NUFIP2: variants seen among roughly 807,000 people sequenced by gnomAD.
NUFIP2 encodes FMR1-interacting protein NUFIP2.
A neutral mutation model predicts 56.9 loss-of-function variants in NUFIP2; 6 were observed. The ratio of observed to expected loss-of-function variants is 0.11; its 90% CI spans 0.06 to 0.21. The LOEUF (loss-of-function observed/expected upper bound fraction) is 0.21. NUFIP2 is among the 10% of genes least tolerant of loss of function. The pLI, the probability that NUFIP2 is intolerant of heterozygous loss-of-function variation, is 1.00. For missense variants in NUFIP2, 828 were observed against 826.8 expected (o/e 1.00, Z -0.02); for synonymous variants, 321 against 298.2 (o/e 1.08, Z -0.79).
intron 2 of NUFIP2, among the ~76,000 whole-genome samples, chr17:29,273,450 GCGTGAGCCAT>G (rs1488877662): frequency 6.6e-6 from 1 of 152,070 alleles, no homozygotes; most frequent in Non-Finnish European, 1.5e-5. Context: ...GGGACTACAG[GCGTGAGCCAT>G]CACGCCCAGC....
At chr17:29,265,663 CAT>C (rs1389313267) in intron 3 of NUFIP2, among the ~76,000 whole-genome samples, 12 of 140,400 alleles carry the variant, frequency 8.5e-5, no homozygotes, top group South Asian at 2.2e-4. Context: ...TATACACACA[CAT>C]ATATAATTTC....
At position 29,287,376 on chromosome 17, in the gene NUFIP2, T is replaced by C; in HGVS notation, c.618A>G (p.Gly206=). 6.2e-7 allele frequency: 1 copy of C among 1,614,166 alleles called. No individual in the cohort carries two copies. Among genetic ancestry groups the C allele is most frequent in the Admixed American group, 1.7e-5 (1 of 60,020 alleles). Residue 206 remains glycine, a synonymous_variant, in exon 2 of 4, where the codon GGA becomes GGG. Coordinates refer to ENST00000225388, the MANE Select transcript of NUFIP2 (RefSeq NM_020772.3). Reference sequence around the variant, plus strand: ...CAGATCCACTACCATCATTATCTGCTCCTTTACCCATATAACCATTAGTAA... The same window carrying C: ...CAGATCCACTACCATCATTATCTGCCCCTTTACCCATATAACCATTAGTAA... ...GYITNGYMGK[G]ADNDGSGSES...
intron 1 of NUFIP2, among the ~76,000 whole-genome samples, chr17:29,293,411 T>G (rs538785657): frequency 2.0e-4 from 30 of 152,070 alleles, no homozygotes; most frequent in African/African-American, 7.2e-4. Flanking sequence ...AGGGATTTTT[T>G]GGGGGGGTAG....
intron 2 of NUFIP2, among the ~76,000 whole-genome samples, chr17:29,276,816 G>A (rs2069111069): frequency 6.6e-6 from 1 of 152,134 alleles, no homozygotes; most frequent in African/African-American, 2.4e-5. Flanking sequence ...TAATGTAACT[G>A]TAAACAGTAT....
At chr17:29,276,434 G>C (rs1463544284) in intron 2 of NUFIP2, among the ~76,000 whole-genome samples, 1 of 152,002 alleles carries the variant, frequency 6.6e-6, no homozygotes, top group East Asian at 1.9e-4. Context: ...CCAGGTTCAA[G>C]CGATTCTCCT....
intron 1 of NUFIP2, among the ~76,000 whole-genome samples, chr17:29,288,229 T>C (rs986946373): frequency 2.0e-5 from 3 of 152,244 alleles, no homozygotes; most frequent in Non-Finnish European, 4.4e-5. Flanking sequence ...GTATTTTTAG[T>C]AGAGACAGGA....
intron 2 of NUFIP2, among the ~76,000 whole-genome samples, chr17:29,285,628 CAA>C (rs1016848926): frequency 6.6e-6 from 1 of 151,606 alleles, no homozygotes; most frequent in African/African-American, 2.4e-5. Context: ...AAAGCAAAGA[CAA>C]AAAAGCCACG....
Position 29,266,247 on chromosome 17 carries a change from G to A in NUFIP2, c.2035+1251C>T, listed in dbSNP as rs1353675538. Among the ~76,000 whole-genome samples, 2 of 152,088 alleles carry A rather than the reference G, an allele frequency of 1.3e-5. 1 individual carries two copies. The highest frequency in any genetic ancestry group is 2.9e-5 in the Non-Finnish European group (2 of 68,004). The stretch of plus-strand genomic sequence containing the variant: ...CTCCCAAAGTGCTGGGATTCCAGGC[G>A]TGAGCCACCGTGCCCAGCCTGCAGG... On this transcript the variant is annotated intron_variant, in intron 3 of 3. Coordinates refer to ENST00000225388, the MANE Select transcript of NUFIP2 (RefSeq NM_020772.3).
chr17:29,293,767 GTCCTCCCT>G lies in NUFIP2; in HGVS notation c.277+8_277+15del, dbSNP rs2069233565. Reference sequence around the variant, plus strand: ...CACCCCCAACCCCCTTCCCCCACCCGTCCTCCCTCCCAGACCTGTTTTCTTCTTCGGCG... The same window carrying G: ...CACCCCCAACCCCCTTCCCCCACCCGCCCAGACCTGTTTTCTTCTTCGGCG... On this transcript the variant is annotated splice_region_variant and intron_variant, in intron 1 of 3. Transcript: ENST00000225388. The G allele has an allele frequency of 2.8e-6, 1 of 362,176 alleles. No homozygotes were observed. The highest frequency in any genetic ancestry group is 4.2e-5 in the African/African-American group (1 of 23,616). The allele number at this position is 362,176 out of a possible 1,614,324, so 22.4% of individuals were successfully genotyped here.
In NUFIP2 at chr17:29,294,034, T is replaced by G; in HGVS notation, c.26A>C (p.Gln9Pro). The G allele has an allele frequency of 6.2e-7, 1 of 1,606,840 alleles. No individual in the cohort carries two copies. Among genetic ancestry groups the G allele is most frequent in the Non-Finnish European group, 8.5e-7 (1 of 1,175,034 alleles). Residue 9 changes from glutamine to proline, a missense_variant, in exon 1 of 4, where the codon CAG becomes CCG. Physicochemically the swap from Gln to Pro is moderately conservative, Grantham distance 76 (BLOSUM62 -1). Around this residue, in one of 3 missense-constraint regions of NUFIP2, gnomAD observed 415 missense variants for 408.7 expected, o/e 1.02. Coordinates refer to ENST00000225388, the MANE Select transcript of NUFIP2 (RefSeq NM_020772.3). The stretch of plus-strand genomic sequence containing the variant: ...GTGGTGGCTGTGATGGTGCTGAGGC[T>G]GTGGCTGGCCGGGCTTCTCCTCCAT... MEEKPGQPQPQHHHSHHHP... is the reference protein window; with the variant it reads MEEKPGQPPPQHHHSHHHP...
chr17:29,286,660 G>C lies in NUFIP2; in HGVS notation c.1334C>G (p.Pro445Arg). ...LLTTAANTLT[P>R]ISSGTDSVLQ... ...AACTGAATCTGTCCCAGAAGAGATG[G>C]GTGTTAGAGTATTAGCAGCAGTAGT... The change falls in exon 2 of 4, where the codon CCC (proline) becomes CGC (arginine). Residue 445 changes from proline to arginine, a missense_variant. Pro to Arg is a moderately radical substitution (Grantham distance 103). Transcript: ENST00000225388. The C allele has an allele frequency of 1.9e-6, 3 of 1,614,114 alleles. No individual in the cohort carries two copies. In the South Asian group the frequency reaches 3.3e-5, roughly 18 times the overall value.
intron 2 of NUFIP2, among the ~76,000 whole-genome samples, chr17:29,285,519 A>T (rs2069167445): frequency 8.0e-6 from 1 of 124,930 alleles, no homozygotes; most frequent in Admixed American, 7.8e-5. Context: ...TGAACCTGGG[A>T]GGTGGAGGTT....
intron 1 of NUFIP2, 150 bp downstream of exon 1, chr17:29,293,633 G>T (rs1555549703): frequency 2.4e-5 from 20 of 833,204 alleles, no homozygotes; most frequent in Non-Finnish European, 3.6e-5. Flanking sequence ...CTCAGCCCGA[G>T]CTCTAGAATG....
chr17:29,257,129 T>G lies in NUFIP2; in HGVS notation c.*7410A>C, dbSNP rs2068975763. 6.6e-6 allele frequency: 1 copy of G among 152,178 alleles called. No homozygotes were observed. Among genetic ancestry groups the G allele is most frequent in the African/African-American group, 2.4e-5 (1 of 41,454 alleles). The allele number at this position is 152,178 out of a possible 1,614,324, so 9.4% of individuals were successfully genotyped here. A position where few individuals can be genotyped will look rare whatever the true frequency, so the allele number is the denominator to read the frequency against. On this transcript the variant is annotated 3_prime_UTR_variant, in exon 4 of 4. Coordinates refer to ENST00000225388, the MANE Select transcript of NUFIP2 (RefSeq NM_020772.3). ...GTAAAGCTGATAAAACTGCCCTGTTTCAAGAAAAGCTCTTTAATAGATACA... is the reference window on the plus strand; with the variant it reads ...GTAAAGCTGATAAAACTGCCCTGTTGCAAGAAAAGCTCTTTAATAGATACA...
intron 1 of NUFIP2, among the ~76,000 whole-genome samples, chr17:29,289,067 G>C (rs2069195175): frequency 6.6e-6 from 1 of 152,178 alleles, no homozygotes; most frequent in Non-Finnish European, 1.5e-5. Flanking sequence ...TTGAACCCAG[G>C]AGGTCGAGGC....
chr17:29,285,730 C>A (rs536721867), intron 2 of NUFIP2, among the ~76,000 whole-genome samples: 2 of 152,192 alleles, frequency 1.3e-5, no homozygotes, highest in Admixed American at 1.3e-4. Flanking sequence ...GTTCTCCTCA[C>A]TTCTGTTCTT....
Position 29,287,258 on chromosome 17 carries a change from G to C in NUFIP2, c.736C>G (p.Gln246Glu). Residue 246 changes from glutamine (Q) to glutamate (E), a missense_variant, in exon 2 of 4, where the codon CAA becomes GAA. By Grantham distance (29) the Gln-to-Glu change is conservative. Transcript: ENST00000225388. ...AAGGTTGGGACACTGGTCTCTTGTT[G>C]CATTATTTTGTCCTGCACTATATTA... Reference protein sequence around the residue: ...NLNIVQDKIMQQETSVPTLKQ... With the variant: ...NLNIVQDKIMEQETSVPTLKQ... 1 of 1,614,118 alleles carries C rather than the reference G, an allele frequency of 6.2e-7. No homozygotes were observed. Among genetic ancestry groups the C allele is most frequent in the Non-Finnish European group, 8.5e-7 (1 of 1,180,028 alleles).
At position 29,259,001 on chromosome 17, in the gene NUFIP2, T is replaced by A. The variant is rs1283504888; in HGVS notation, c.*5538A>T. The A allele has an allele frequency of 6.6e-6, 1 of 152,218 alleles. No individual in the cohort carries two copies. The highest frequency in any genetic ancestry group is 1.9e-4 in the East Asian group (1 of 5,196). 9.4% of individuals were successfully genotyped at this position (152,218 alleles called of 1,614,324 possible). A position where few individuals can be genotyped will look rare whatever the true frequency, so the allele number is the denominator to read the frequency against. On this transcript the variant is annotated 3_prime_UTR_variant, in exon 4 of 4. Transcript: ENST00000225388. ...TTAATAATAGACAAACAGGGTAAAC[T>A]AAAGGCATTCATTCATATTTACATA...
chr17:29,292,613 C>G (rs1017268989), intron 1 of NUFIP2, among the ~76,000 whole-genome samples: 5 of 150,292 alleles, frequency 3.3e-5, no homozygotes, highest in Non-Finnish European at 7.4e-5. Context: ...GCCGCCCCCC[C>G]AGGCCTCCTG....
Sources: gnomAD v4.1 joint callset for allele counts (sites outside exome capture counted in the v4.1 genomes callset) on GRCh38, gnomAD v4.1.1 for gene constraint, gnomAD v4.1.1 regional missense constraint, MANE v1.5 for transcripts, NCBI Gene and HGNC (gene_info 2026-07-23, HGNC 2026-07-21) for gene names.